CEP41: variants seen among roughly 807,000 people sequenced by gnomAD.
CEP41 encodes the protein centrosomal protein 41.
Under a neutral mutation model 44.3 loss-of-function variants are expected in CEP41, and 32 were observed. That is an observed-to-expected ratio of 0.72 (90% confidence interval 0.54 to 0.97). The LOEUF (loss-of-function observed/expected upper bound fraction) is 0.97, where lower values mean the gene tolerates loss of function less well. CEP41 is among the 50% of genes least tolerant of loss of function. The probability of loss-of-function intolerance (pLI) is 0.00; values close to 1 mark genes in which losing one functional copy is unlikely to be tolerated. For missense variants in CEP41, 432 were observed against 455.2 expected (o/e 0.95, Z 0.46); for synonymous variants, 151 against 168.5 (o/e 0.90, Z 0.80).
intron 10 of CEP41, 33 bp from the exon 11 acceptor site, chr7:130,399,072 C>A (rs1484563033): frequency 2.6e-5 from 42 of 1,611,760 alleles, no homozygotes; most frequent in Non-Finnish European, 3.5e-5. Context: ...AACAGAGCTG[C>A]AAGAATGATT....
At chr7:130,426,708 G>A (rs782531012) in intron 2 of CEP41, 4 of 454,288 alleles carry the variant, frequency 8.8e-6, no homozygotes, top group Admixed American at 2.4e-5. Flanking sequence ...AGAGCTGAGG[G>A]TTTTTGTGGC....
chr7:130,412,930 A>G (rs1227256010), intron 3 of CEP41, among the ~76,000 whole-genome samples: 3 of 152,230 alleles, frequency 2.0e-5, no homozygotes, highest in Non-Finnish European at 4.4e-5. Context: ...ACTTAATGCC[A>G]CTGACCTGTA....
chr7:130,397,133 T>C lies in CEP41; in HGVS notation c.*1758A>G, dbSNP rs1554415021. The C allele has an allele frequency of 6.6e-6, 3 of 454,524 alleles. No homozygotes were observed. The highest frequency in any genetic ancestry group is 6.0e-5 in the African/African-American group (3 of 50,124). 28.2% of individuals were successfully genotyped at this position (454,524 alleles called of 1,614,324 possible). A position where few individuals can be genotyped will look rare whatever the true frequency, so the allele number is the denominator to read the frequency against. ...AAAATGTGCATTTTTCTATCTATGCTGTAAAGAAAATACAAAGCCAGAGCA... is the reference window on the plus strand; with the variant it reads ...AAAATGTGCATTTTTCTATCTATGCCGTAAAGAAAATACAAAGCCAGAGCA... On this transcript the variant is annotated 3_prime_UTR_variant, in exon 11 of 11. Coordinates refer to ENST00000223208, the MANE Select transcript of CEP41 (RefSeq NM_018718.3).
intron 7 of CEP41, 124 bp from the exon 8 acceptor site, chr7:130,402,072 G>C: frequency 1.4e-6 from 1 of 715,796 alleles, no homozygotes; most frequent in South Asian, 1.5e-5. Context: ...TGCTGGGCAT[G>C]GTGGCTAACA....
intron 2 of CEP41, chr7:130,426,923 T>A (rs1232725162): frequency 1.8e-5 from 4 of 228,376 alleles, no homozygotes; most frequent in African/African-American, 9.5e-5. Flanking sequence ...CACCTGCCCA[T>A]CAAGTGGGAT....
intron 5 of CEP41, among the ~76,000 whole-genome samples, chr7:130,409,668 A>G (rs1554418964): frequency 6.6e-6 from 1 of 152,216 alleles, no homozygotes; most frequent in East Asian, 1.9e-4. Flanking sequence ...ATTCCTCTTC[A>G]ATAAACAGCC....
intron 2 of CEP41, chr7:130,419,955 A>G: frequency 6.6e-6 from 6 of 903,356 alleles, no homozygotes; most frequent in Non-Finnish European, 7.9e-6. Context: ...GCACGTACAC[A>G]CACACACACA....
In CEP41 at chr7:130,400,100, T is replaced by TG. The variant is rs1796796908; in HGVS notation, c.911dup (p.Glu305ArgfsTer21). 2 of 1,613,712 alleles carry TG rather than the reference T, an allele frequency of 1.2e-6. No homozygotes were observed. Among genetic ancestry groups the TG allele is most frequent in the Non-Finnish European group, 1.7e-6 (2 of 1,179,902 alleles). ...AATATTCTATCTTTTTTAAGTCTTC[T>TG]GGGGTAAATCTCCATTTATTCTCAG... On this transcript the variant is annotated frameshift_variant, in exon 10 of 11. Coordinates refer to ENST00000223208, the MANE Select transcript of CEP41 (RefSeq NM_018718.3). LOFTEE classifies it high-confidence loss of function.
At chr7:130,404,507 G>C in intron 6 of CEP41, 57 bp downstream of exon 6, 2 of 1,425,126 alleles carry the variant, frequency 1.4e-6, no homozygotes, top group Non-Finnish European at 2.0e-6. Flanking sequence ...CCTGAAATTG[G>C]CGTCTAGATT....
chr7:130,400,800 T>C lies in CEP41; in HGVS notation c.664A>G (p.Ile222Val), dbSNP rs560824415. ...LEYKNAHGKI[I>V]ILYDDDERLA... The stretch of plus-strand genomic sequence containing the variant: ...CTTTCATCATCGTCATACAGAATGA[T>C]GATCTTGCCATGGGCATTTTTCTAA... Residue 222 changes from isoleucine (I) to valine (V), a missense_variant, in exon 9 of 11, where the codon ATC becomes GTC. Transcript: ENST00000223208. 38 of 1,612,452 alleles carry C rather than the reference T, an allele frequency of 2.4e-5. No individual in the cohort carries two copies. In the East Asian group the frequency reaches 7.6e-4, roughly 32 times the overall value.
chr7:130,397,894 GCACTAATTA>G lies in CEP41; in HGVS notation c.*988_*996del, dbSNP rs1176305614. ...GAGAATGAAAAGTAAGCAGGAAATT[GCACTAATTA>G]CTCAATTAGACTAATACTGTATTTC... is the stretch of plus-strand genomic sequence containing the variant. On this transcript the variant is annotated 3_prime_UTR_variant, in exon 11 of 11. Coordinates refer to ENST00000223208, the MANE Select transcript of CEP41 (RefSeq NM_018718.3). 4.0e-5 allele frequency: 18 copies of G among 453,506 alleles called. No individual in the cohort carries two copies. The highest frequency in any genetic ancestry group is 8.0e-5 in the Non-Finnish European group (18 of 226,012). 28.1% of individuals were successfully genotyped at this position (453,506 alleles called of 1,614,324 possible).
In CEP41 at chr7:130,396,936, C is replaced by A; in HGVS notation, c.*1955G>T. The stretch of plus-strand genomic sequence containing the variant: ...GCAGAATCGGAACAAGGAGGGAAGA[C>A]CATTTACTTTCAAAATAGAATCCGG... On this transcript the variant is annotated 3_prime_UTR_variant, in exon 11 of 11. Transcript: ENST00000223208. The A allele has an allele frequency of 2.2e-6, 1 of 453,600 alleles. No individual in the cohort carries two copies. Among genetic ancestry groups the A allele is most frequent in the Non-Finnish European group, 4.4e-6 (1 of 226,480 alleles). 28.1% of individuals were successfully genotyped at this position (453,600 alleles called of 1,614,324 possible).
upstream of CEP41, chr7:130,441,319 G>A: frequency 2.2e-6 from 1 of 451,478 alleles, no homozygotes; most frequent in Non-Finnish European, 4.1e-6. Flanking sequence ...TTGAGAGCCG[G>A]GACAAAACAC....
At chr7:130,406,009 G>A (rs1554418143) in intron 5 of CEP41, among the ~76,000 whole-genome samples, 1 of 152,034 alleles carries the variant, frequency 6.6e-6, no homozygotes, top group Admixed American at 6.5e-5. Flanking sequence ...GTAAAACAAC[G>A]ACGTTCTCAG....
At chr7:130,421,977 G>T in intron 2 of CEP41, 1 of 1,536,056 alleles carries the variant, frequency 6.5e-7, no homozygotes, top group Admixed American at 2.0e-5. Context: ...GTCTGGCAGT[G>T]CTGGGGAGCT....
At chr7:130,423,490 G>A (rs1254581260) in intron 2 of CEP41, among the ~76,000 whole-genome samples, 1 of 152,226 alleles carries the variant, frequency 6.6e-6, no homozygotes, top group Non-Finnish European at 1.5e-5. Flanking sequence ...ATGATGTGGA[G>A]AAAATAGAGC....
At chr7:130,399,842 T>G in intron 10 of CEP41, 197 bp downstream of exon 10, 1 of 567,072 alleles carries the variant, frequency 1.8e-6, no homozygotes, top group Non-Finnish European at 3.1e-6. Flanking sequence ...AGTCGCTATG[T>G]TTTGATAAAG....
At position 130,397,545 on chromosome 7, in the gene CEP41, A is replaced by T; in HGVS notation, c.*1346T>A. ...TTTTTTTTTTTTTTGGTGGCGAGAAAATAGTACTGTTAAGGCAAATCTTAC... is the reference window on the plus strand; with the variant it reads ...TTTTTTTTTTTTTTGGTGGCGAGAATATAGTACTGTTAAGGCAAATCTTAC... On this transcript the variant is annotated 3_prime_UTR_variant, in exon 11 of 11. Transcript: ENST00000223208. The T allele has an allele frequency of 2.4e-6, 1 of 419,946 alleles. No individual in the cohort carries two copies. Among genetic ancestry groups the T allele is most frequent in the Non-Finnish European group, 4.6e-6 (1 of 216,952 alleles). The allele number at this position is 419,946 out of a possible 1,614,324, so 26.0% of individuals were successfully genotyped here.
intron 2 of CEP41, chr7:130,419,617 A>T (rs1554421678): frequency 2.1e-5 from 21 of 984,544 alleles, no homozygotes; most frequent in Non-Finnish European, 2.5e-5. Context: ...TGCCAGATAC[A>T]TTTTCCCAGA....
Sources: allele counts gnomAD v4.1 joint callset (sites outside exome capture counted in the v4.1 genomes callset), GRCh38; gene constraint gnomAD v4.1.1; transcripts MANE v1.5; gene names NCBI Gene and HGNC (gene_info 2026-07-23, HGNC 2026-07-21).